The following PDZRN3 variants were observed in gnomAD, a reference collection of about 807,000 sequenced individuals.
The protein encoded by PDZRN3 is PDZ domain containing ring finger 3.
Under a neutral mutation model 85.7 loss-of-function variants are expected in PDZRN3, and 38 were observed. The ratio of observed to expected loss-of-function variants is 0.44; its 90% CI spans 0.34 to 0.58. The LOEUF (loss-of-function observed/expected upper bound fraction) is 0.58. PDZRN3 is among the 20% of genes least tolerant of loss of function. PDZRN3 has a pLI of 0.01. For synonymous variants in PDZRN3, 759 were observed against 638.0 expected (o/e 1.19, Z -2.86); for missense variants, 1,629 against 1,506.4 (o/e 1.08, Z -1.35).
chr3:73,617,813 C>T (rs1702787620), intron 1 of PDZRN3, among the ~76,000 whole-genome samples: 1 of 152,144 alleles, frequency 6.6e-6, no homozygotes, highest in Non-Finnish European at 1.5e-5. Flanking sequence ...TCAAGCAATT[C>T]TCCTGCCTCA....
intron 3 of PDZRN3, among the ~76,000 whole-genome samples, chr3:73,471,952 G>A (rs769893111): frequency 1.9e-4 from 29 of 152,136 alleles, no homozygotes; most frequent in Non-Finnish European, 3.7e-4. Flanking sequence ...CCTGAAATGC[G>A]GGTAGACAGG....
At chr3:73,620,722 G>A (rs1347466374) in intron 1 of PDZRN3, among the ~76,000 whole-genome samples, 3 of 152,022 alleles carry the variant, frequency 2.0e-5, no homozygotes, top group South Asian at 4.2e-4. Flanking sequence ...GACTACAGGT[G>A]CCCGCCACCG....
chr3:73,594,076 C>G (rs1322437679), intron 3 of PDZRN3: 2 of 151,980 alleles, frequency 1.3e-5, no homozygotes, highest in African/African-American at 4.8e-5. Flanking sequence ...GAAAGATATT[C>G]ACTGAAAGGC....
chr3:73,555,025 CCAGA>C (rs1304966980), intron 3 of PDZRN3, among the ~76,000 whole-genome samples: 3 of 152,216 alleles, frequency 2.0e-5, no homozygotes, highest in Admixed American at 6.5e-5. Context: ...ATTTTAATCA[CCAGA>C]CAAAGCAGAT....
At position 73,384,924 on chromosome 3, in the gene PDZRN3, GCTT is replaced by G. The variant is rs778290001; in HGVS notation, c.1639_1641del (p.Lys547del). The G allele has an allele frequency of 1.2e-5, 19 of 1,595,922 alleles. No homozygotes were observed. In the South Asian group the frequency reaches 1.2e-4, roughly 10 times the overall value. On this transcript the variant is annotated inframe_deletion, in exon 10 of 10. Transcript: ENST00000263666. The stretch of plus-strand genomic sequence containing the variant: ...TCTGTGGTCCCACCGTCTTCGTCGT[GCTT>G]CTTCTGCATAAACACAAGAACAAAG...
chr3:73,385,596 A>G, intron 9 of PDZRN3, 73 bp downstream of exon 9: 1 of 879,826 alleles, frequency 1.1e-6, no homozygotes. Context: ...AGCACCATAA[A>G]GGGAGATGGA....
intron 3 of PDZRN3, among the ~76,000 whole-genome samples, chr3:73,539,383 A>G (rs1704862277): frequency 6.6e-6 from 1 of 152,208 alleles, no homozygotes; most frequent in African/African-American, 2.4e-5. Flanking sequence ...GTGGCGATAA[A>G]TTCTTTGCTG....
chr3:73,562,739 T>TA (rs958719056), intron 3 of PDZRN3, among the ~76,000 whole-genome samples: 2 of 151,928 alleles, frequency 1.3e-5, no homozygotes, highest in Non-Finnish European at 2.9e-5. Context: ...CACTGAAATT[T>TA]AAGGCTTTTG....
Position 73,476,398 on chromosome 3 carries a change from C to A in PDZRN3, c.919-72003G>T, listed in dbSNP as rs187508116. Among the ~76,000 whole-genome samples, 4 of 152,260 alleles carry A rather than the reference C, an allele frequency of 2.6e-5. No individual in the cohort carries two copies. In the East Asian group the frequency reaches 5.8e-4, roughly 22 times the overall value. On this transcript the variant is annotated intron_variant, in intron 3 of 9. Coordinates refer to ENST00000263666, the MANE Select transcript of PDZRN3 (RefSeq NM_015009.3). ...TTGTGAGAATTCTATCACTAGACAG[C>A]ACTAGGAGGATGGTGCTAAACCATG... is the stretch of plus-strand genomic sequence containing the variant.
chr3:73,405,893 T>A (rs1701844749), intron 3 of PDZRN3, among the ~76,000 whole-genome samples: 1 of 152,180 alleles, frequency 6.6e-6, no homozygotes, highest in Admixed American at 6.5e-5. Context: ...TTTTCTCTTT[T>A]TTTCCCCCAA....
chr3:73,569,442 T>TGA, intron 3 of PDZRN3: 1 of 1,134,776 alleles, frequency 8.8e-7, no homozygotes, highest in Non-Finnish European at 1.1e-6. Context: ...TCACGTTCTC[T>TGA]TAAGCCCCGA....
At chr3:73,408,324 T>C in intron 3 of PDZRN3, 1 of 647,082 alleles carries the variant, frequency 1.5e-6, no homozygotes, top group South Asian at 1.8e-5. Flanking sequence ...GATAACTTAC[T>C]GGTAATGCCT....
intron 3 of PDZRN3, among the ~76,000 whole-genome samples, chr3:73,472,105 G>A (rs771318106): frequency 1.3e-5 from 2 of 152,168 alleles, no homozygotes; most frequent in South Asian, 2.1e-4. Flanking sequence ...CACATCTGGT[G>A]TTAGCAAAGC....
intron 3 of PDZRN3, among the ~76,000 whole-genome samples, chr3:73,440,811 CAG>C (rs1234396784): frequency 5.3e-5 from 8 of 152,200 alleles, no homozygotes; most frequent in Admixed American, 3.9e-4. Context: ...ACAACTTGCA[CAG>C]AGTGTGGGAA....
At chr3:73,573,946 C>G (rs1702081678) in intron 3 of PDZRN3, among the ~76,000 whole-genome samples, 1 of 152,164 alleles carries the variant, frequency 6.6e-6, no homozygotes, top group Non-Finnish European at 1.5e-5. Context: ...CTATCCCATT[C>G]AAGATAAGCT....
chr3:73,459,722 T>C (rs1418597961), intron 3 of PDZRN3, among the ~76,000 whole-genome samples: 3 of 152,234 alleles, frequency 2.0e-5, no homozygotes, highest in African/African-American at 7.2e-5. Flanking sequence ...TCATGGTGTA[T>C]ATGTACCACA....
chr3:73,569,088 C>G (rs1220389540), intron 3 of PDZRN3: 2 of 1,014,366 alleles, frequency 2.0e-6, no homozygotes, highest in African/African-American at 3.3e-5. Flanking sequence ...TGTGCTGCAG[C>G]TGAACTTTGA....
At chr3:73,412,926 C>CATGG (rs1702001770) in intron 3 of PDZRN3, among the ~76,000 whole-genome samples, 1 of 152,172 alleles carries the variant, frequency 6.6e-6, no homozygotes, top group Non-Finnish European at 1.5e-5. Context: ...GGGTGAGACA[C>CATGG]ATGGGGGTCT....
At position 73,404,171 on chromosome 3, in the gene PDZRN3, C is replaced by A; in HGVS notation, c.1143G>T (p.Leu381=). ...TKMSSPSPPV[L]DPYLLPEEHP... ...ACTCCTCTGGCAAGAGATAGGGATC[C>A]AGCACGGGTGGGCTGGGAGAGGACA... The change falls in exon 4 of 10, where the codon CTG becomes CTT. Residue 381 remains leucine (L), a synonymous_variant. Transcript: ENST00000263666. 6.2e-7 allele frequency: 1 copy of A among 1,613,902 alleles called. No individual in the cohort carries two copies. Among genetic ancestry groups the A allele is most frequent in the Non-Finnish European group, 8.5e-7 (1 of 1,179,864 alleles).
Sources: allele counts gnomAD v4.1 joint callset (sites outside exome capture counted in the v4.1 genomes callset), GRCh38; gene constraint gnomAD v4.1.1; transcripts MANE v1.5; gene names NCBI Gene and HGNC (gene_info 2026-07-23, HGNC 2026-07-21).